Variants in KCTD8 observed in about 807,000 individuals in gnomAD.
KCTD8 encodes the protein potassium channel tetramerization domain containing 8.
A neutral mutation model predicts 31.5 loss-of-function variants in KCTD8; 27 were observed. That is an observed-to-expected ratio of 0.86 (90% CI 0.63 to 1.18). KCTD8 has a LOEUF of 1.18. KCTD8 is among the 50% of genes most tolerant of loss of function. KCTD8 has a pLI of 0.00. For missense variants in KCTD8, 658 were observed against 647.7 expected (o/e 1.02, Z -0.17); for synonymous variants, 290 against 280.0 (o/e 1.04, Z -0.36).
At chr4:44,296,065 T>C (rs540550521) in intron 1 of KCTD8, among the ~76,000 whole-genome samples, 1 of 152,296 alleles carries the variant, frequency 6.6e-6, no homozygotes, top group Non-Finnish European at 1.5e-5. Context: ...TATTTGTTTT[T>C]AACGTAATTT....
At chr4:44,361,027 T>C (rs1422665807) in intron 1 of KCTD8, among the ~76,000 whole-genome samples, 1 of 152,028 alleles carries the variant, frequency 6.6e-6, no homozygotes, top group African/African-American at 2.4e-5. Context: ...AGTCTTCATA[T>C]ATGCCATTAT....
intron 1 of KCTD8, among the ~76,000 whole-genome samples, chr4:44,285,832 G>T (rs1184093505): frequency 6.6e-6 from 1 of 152,032 alleles, no homozygotes; most frequent in Non-Finnish European, 1.5e-5. Context: ...TCCTCTGATG[G>T]ATTCCTCTGA....
At chr4:44,337,685 A>AAG (rs1262532925) in intron 1 of KCTD8, among the ~76,000 whole-genome samples, 1 of 145,008 alleles carries the variant, frequency 6.9e-6, no homozygotes, top group African/African-American at 2.6e-5. Context: ...AAAAATATAT[A>AAG]TATATATATA....
intron 1 of KCTD8, among the ~76,000 whole-genome samples, chr4:44,382,795 T>A (rs566004778): frequency 6.6e-6 from 1 of 150,582 alleles, no homozygotes; most frequent in African/African-American, 2.4e-5. Flanking sequence ...TTCAATATAA[T>A]ACTGAAACTT....
At chr4:44,416,176 T>C (rs1721075142) in intron 1 of KCTD8, among the ~76,000 whole-genome samples, 1 of 152,212 alleles carries the variant, frequency 6.6e-6, no homozygotes, top group South Asian at 2.1e-4. Flanking sequence ...CAGATTTTTA[T>C]GGAGCCTACT....
chr4:44,319,290 G>A (rs1034526787), intron 1 of KCTD8, among the ~76,000 whole-genome samples: 7 of 152,186 alleles, frequency 4.6e-5, no homozygotes, highest in African/African-American at 1.7e-4. Context: ...CACAGCCTGA[G>A]TAAGAGTACA....
chr4:44,194,663 G>T (rs1205540663), intron 1 of KCTD8, among the ~76,000 whole-genome samples: 1 of 151,954 alleles, frequency 6.6e-6, no homozygotes, highest in Non-Finnish European at 1.5e-5. Context: ...AGTAATCGGG[G>T]TGCCTACTCT....
At chr4:44,436,543 A>G (rs1461956039) in intron 1 of KCTD8, among the ~76,000 whole-genome samples, 3 of 152,128 alleles carry the variant, frequency 2.0e-5, no homozygotes, top group African/African-American at 7.2e-5. Context: ...AGATATTGAC[A>G]AGAAATATTA....
At chr4:44,365,303 T>C (rs1719602541) in intron 1 of KCTD8, among the ~76,000 whole-genome samples, 1 of 152,118 alleles carries the variant, frequency 6.6e-6, no homozygotes, top group Admixed American at 6.5e-5. Flanking sequence ...AAAACAGAAC[T>C]ATGTCTAACA....
chr4:44,232,555 T>C (rs1478814466), intron 1 of KCTD8, among the ~76,000 whole-genome samples: 1 of 152,172 alleles, frequency 6.6e-6, no homozygotes, highest in Non-Finnish European at 1.5e-5. Flanking sequence ...ATGTGGGCCA[T>C]TACTTTATCC....
At chr4:44,358,159 T>C (rs1044807896) in intron 1 of KCTD8, among the ~76,000 whole-genome samples, 1 of 152,026 alleles carries the variant, frequency 6.6e-6, no homozygotes, top group Non-Finnish European at 1.5e-5. Context: ...TGGTTTTCTG[T>C]TCCTGTGTTA....
intron 1 of KCTD8, among the ~76,000 whole-genome samples, chr4:44,377,583 AAAG>A (rs763037827): frequency 9.9e-5 from 15 of 152,146 alleles, no homozygotes; most frequent in Non-Finnish European, 2.1e-4. Flanking sequence ...AACCAGAACT[AAAG>A]AAGGGCCAGA....
chr4:44,318,416 T>A (rs564721393), intron 1 of KCTD8, among the ~76,000 whole-genome samples: 1 of 152,280 alleles, frequency 6.6e-6, no homozygotes, highest in African/African-American at 2.4e-5. Flanking sequence ...AAATTTCTGA[T>A]GGGTCTATGA....
At chr4:44,371,748 A>G (rs1719791994) in intron 1 of KCTD8, among the ~76,000 whole-genome samples, 1 of 152,218 alleles carries the variant, frequency 6.6e-6, no homozygotes, top group Non-Finnish European at 1.5e-5. Context: ...CAGTATCTAC[A>G]TTGTAAAATA....
intron 1 of KCTD8, among the ~76,000 whole-genome samples, chr4:44,391,221 A>G (rs55945282): frequency 1.1e-3 from 162 of 152,086 alleles, no homozygotes; most frequent in African/African-American, 3.6e-3. Context: ...CATTGGGTAC[A>G]CTGTACAATG....
At position 44,442,159 on chromosome 4, in the gene KCTD8, C is replaced by A. The variant is rs75093687; in HGVS notation, c.961+5404G>T. 1.2e-4 allele frequency among the ~76,000 whole-genome samples: 16 copies of A among 131,084 alleles called. No individual in the cohort carries two copies. The East Asian group carries it at 3.9e-3, about 32-fold the overall frequency. The allele number at this position is 131,084 out of a possible 152,430, so 86.0% of individuals were successfully genotyped here. The stretch of plus-strand genomic sequence containing the variant: ...ATTTTATTGGCACTTACTAGTGGTG[C>A]TGATTAAAACTGCACTTTTTTTTTT... On this transcript the variant is annotated intron_variant, in intron 1 of 1. Coordinates refer to ENST00000360029, the MANE Select transcript of KCTD8 (RefSeq NM_198353.3).
Position 44,438,211 on chromosome 4 carries a change from T to C in KCTD8, c.961+9352A>G, listed in dbSNP as rs186967925. ...CTTTGAGCAACTAGAAAACTTATAT[T>C]GAAGATATGTCAGAGTGGTTTCAAT... On this transcript the variant is annotated intron_variant, in intron 1 of 1. Coordinates refer to ENST00000360029, the MANE Select transcript of KCTD8 (RefSeq NM_198353.3). Among the ~76,000 whole-genome samples, 860 of 152,292 alleles carry C rather than the reference T, an allele frequency of 5.6e-3. 7 individuals are homozygous for C. Among genetic ancestry groups the C allele is most frequent in the Middle Eastern group, 0.02 (6 of 294 alleles).
chr4:44,282,738 G>T (rs1342279499), intron 1 of KCTD8, among the ~76,000 whole-genome samples: 3 of 152,084 alleles, frequency 2.0e-5, no homozygotes, highest in East Asian at 3.9e-4. Context: ...CAGTTTTAAT[G>T]ATCTAGATAG....
At chr4:44,228,093 A>T (rs1260516849) in intron 1 of KCTD8, among the ~76,000 whole-genome samples, 1 of 151,968 alleles carries the variant, frequency 6.6e-6, no homozygotes, top group Non-Finnish European at 1.5e-5. Flanking sequence ...TTCCAGCTCC[A>T]CCTCACATCA....
Sources: allele counts gnomAD v4.1 joint callset (sites outside exome capture counted in the v4.1 genomes callset), GRCh38; gene constraint gnomAD v4.1.1; transcripts MANE v1.5; gene names NCBI Gene and HGNC (gene_info 2026-07-23, HGNC 2026-07-21).